DRG1: variants seen among roughly 807,000 people sequenced by gnomAD.
The protein encoded by DRG1 is developmentally-regulated GTP-binding protein 1.
DRG1 carries 19 observed loss-of-function variants against 38.8 expected under a neutral mutation model. The observed-to-expected ratio is 0.49, with a 90% CI of 0.34 to 0.72. The LOEUF (loss-of-function observed/expected upper bound fraction) is 0.72. DRG1 is among the 30% of genes least tolerant of loss of function. DRG1 has a pLI of 0.01. For synonymous variants in DRG1, 167 were observed against 157.5 expected, an observed-to-expected ratio of 1.06 and a Z score of -0.45; for missense variants, 299 against 444.8, an observed-to-expected ratio of 0.67 and a Z score of 2.95.
At chr22:31,429,882 T>C (rs1029689544) in intron 8 of DRG1, among the ~76,000 whole-genome samples, 1 of 152,098 alleles carries the variant, frequency 6.6e-6, no homozygotes, top group Non-Finnish European at 1.5e-5. Flanking sequence ...ATGCCTGGGC[T>C]CTAGTGATCC....
At chr22:31,401,522 T>C (rs1013317810) in intron 2 of DRG1, among the ~76,000 whole-genome samples, 3 of 139,104 alleles carry the variant, frequency 2.2e-5, no homozygotes, top group African/African-American at 8.3e-5. Context: ...GAGGCAGAGG[T>C]AGCAGTGAGT....
chr22:31,432,143 C>T lies in DRG1; in HGVS notation c.1005-1729C>T, dbSNP rs556411622. Among the ~76,000 whole-genome samples, 92 of 150,748 alleles carry T rather than the reference C, an allele frequency of 6.1e-4. 2 individuals carry two copies. Among genetic ancestry groups the T allele is most frequent in the African/African-American group, 2.1e-3 (86 of 41,008 alleles). On this transcript the variant is annotated intron_variant, in intron 8 of 8. Transcript: ENST00000331457. ...CCAGGCTGGAGTCCAGTGGCGTAAT[C>T]GTGGTTCACTGCAGCCTTGAACTCC...
chr22:31,424,488 C>CTTTTTTTGTTTTT (rs2050096349), intron 6 of DRG1, among the ~76,000 whole-genome samples: 1 of 71,396 alleles, frequency 1.4e-5, no homozygotes, highest in Non-Finnish European at 2.4e-5. Context: ...GCTTTGGTTT[C>CTTTTTTTGTTTTT]TTTTTTTTTT....
At chr22:31,423,532 T>TC in intron 6 of DRG1, 122 bp downstream of exon 6, 2 of 1,210,268 alleles carry the variant, frequency 1.7e-6, no homozygotes, top group Non-Finnish European at 2.3e-6. Flanking sequence ...TCTTTTTTTT[T>TC]TTTTTTTTTT....
At chr22:31,423,208 T>C (rs1175773751) in intron 5 of DRG1, 72 bp from the exon 6 acceptor site, 58 of 1,576,746 alleles carry the variant, frequency 3.7e-5, no homozygotes, top group Non-Finnish European at 4.8e-5. Flanking sequence ...TCCAGGTACA[T>C]GGATATTGGT....
chr22:31,418,524 T>TC (rs1254955351), intron 4 of DRG1, among the ~76,000 whole-genome samples: 4 of 151,842 alleles, frequency 2.6e-5, no homozygotes, highest in Non-Finnish European at 5.9e-5. Context: ...TTTTTTTTTT[T>TC]CTGAGATGGC....
rs1173805408 is a variant in DRG1, at chr22:31,400,611, C to T, written c.43-9C>T. ...CTTCTAATTTATGGCTGTGATTCCT[C>T]CCTTTTAGATGGCTCGGACTCAAAA... On this transcript the variant is annotated splice_polypyrimidine_tract_variant and intron_variant, in intron 1 of 8. Coordinates refer to ENST00000331457, the MANE Select transcript of DRG1 (RefSeq NM_004147.4). 2 of 1,611,264 alleles carry T rather than the reference C, an allele frequency of 1.2e-6. No homozygotes were observed. Among genetic ancestry groups the T allele is most frequent in the Non-Finnish European group, 1.7e-6 (2 of 1,178,452 alleles).
At chr22:31,403,985 T>A (rs1396005754) in intron 3 of DRG1, among the ~76,000 whole-genome samples, 3 of 148,018 alleles carry the variant, frequency 2.0e-5, no homozygotes, top group Non-Finnish European at 4.5e-5. Flanking sequence ...AACTTTTTTT[T>A]TTTTTTTTTT....
At chr22:31,404,910 A>C (rs2049981185) in intron 3 of DRG1, among the ~76,000 whole-genome samples, 1 of 152,202 alleles carries the variant, frequency 6.6e-6, no homozygotes, top group Admixed American at 6.5e-5. Context: ...GGCGTGAGCC[A>C]CTGCACCAGG....
chr22:31,419,474 G>A (rs994879685), intron 4 of DRG1, among the ~76,000 whole-genome samples: 1 of 151,822 alleles, frequency 6.6e-6, no homozygotes, highest in Admixed American at 6.6e-5. Flanking sequence ...ACAGGCATGA[G>A]CCACTGTGCT....
intron 4 of DRG1, among the ~76,000 whole-genome samples, chr22:31,413,676 G>A (rs2050030222): frequency 7.7e-6 from 1 of 129,234 alleles, no homozygotes; most frequent in South Asian, 2.6e-4. Context: ...GTGCAATGGT[G>A]CGATCTTGGC....
chr22:31,430,073 G>A (rs2050130871), intron 8 of DRG1, among the ~76,000 whole-genome samples: 3 of 152,108 alleles, frequency 2.0e-5, no homozygotes, highest in Admixed American at 6.6e-5. Flanking sequence ...CTTTTTGATA[G>A]TGTTAATACT....
chr22:31,406,292 G>A (rs941753698), intron 3 of DRG1, among the ~76,000 whole-genome samples: 8 of 152,186 alleles, frequency 5.3e-5, no homozygotes, highest in African/African-American at 1.2e-4. Flanking sequence ...GAGCCACTGC[G>A]CTTGGCCACT....
intron 8 of DRG1, among the ~76,000 whole-genome samples, chr22:31,432,253 T>C (rs1044460790): frequency 1.3e-5 from 2 of 151,826 alleles, no homozygotes; most frequent in African/African-American, 4.8e-5. Flanking sequence ...ATTTTTTCTA[T>C]TTTTCTAGAG....
At chr22:31,433,804 C>A in intron 8 of DRG1, 68 bp from the exon 9 acceptor site, 1 of 1,405,956 alleles carries the variant, frequency 7.1e-7, no homozygotes, top group Non-Finnish European at 1.0e-6. Flanking sequence ...AGAAGGGTGG[C>A]ATCCAGGCAA....
In DRG1 at chr22:31,426,656, A is replaced by C; in HGVS notation, c.755A>C (p.Gln252Pro). ...ATCTATGTGTTAAATAAGATTGACC[A>C]AATCTCCATTGAGGAATTGGATATC... ...PCIYVLNKID[Q>P]ISIEELDIIY... Residue 252 changes from glutamine to proline, a missense_variant, in exon 7 of 9, where the codon CAA becomes CCA. By Grantham distance (76) the Gln-to-Pro change is moderately conservative. Around this residue, in one of 3 missense-constraint regions of DRG1, gnomAD observed 198 missense variants for 268.1 expected, o/e 0.74. Transcript: ENST00000331457. 1.9e-6 allele frequency: 3 copies of C among 1,613,956 alleles called. No homozygotes were observed. Among genetic ancestry groups the C allele is most frequent in the African/African-American group, 1.3e-5 (1 of 75,022 alleles).
intron 3 of DRG1, among the ~76,000 whole-genome samples, chr22:31,409,571 T>C (rs2050007557): frequency 6.6e-6 from 1 of 152,208 alleles, no homozygotes; most frequent in Non-Finnish European, 1.5e-5. Flanking sequence ...CAAAAATTTT[T>C]GTGAGTTGGG....
At chr22:31,432,415 TTG>T (rs774738177) in intron 8 of DRG1, among the ~76,000 whole-genome samples, 7 of 151,160 alleles carry the variant, frequency 4.6e-5, no homozygotes, top group East Asian at 4.0e-4. Context: ...TTTGTGTTTT[TTG>T]TGTGTGTGTG....
chr22:31,404,541 C>T lies in DRG1; in HGVS notation c.342+1337C>T, dbSNP rs2049979560. On this transcript the variant is annotated intron_variant, in intron 3 of 8. Coordinates refer to ENST00000331457, the MANE Select transcript of DRG1 (RefSeq NM_004147.4). ...AGGCGTGAGCCACCGCGCCTGGTCT[C>T]GCCTGCTTTAACTTCTAAAGGCATT... Among the ~76,000 whole-genome samples, 4 of 151,800 alleles carry T rather than the reference C, an allele frequency of 2.6e-5. No homozygotes were observed. In the South Asian group the frequency reaches 8.3e-4, roughly 31 times the overall value.
Sources: gnomAD v4.1 joint callset for allele counts (sites outside exome capture counted in the v4.1 genomes callset) on GRCh38, gnomAD v4.1.1 for gene constraint, gnomAD v4.1.1 regional missense constraint, MANE v1.5 for transcripts, NCBI Gene and HGNC (gene_info 2026-07-23, HGNC 2026-07-21) for gene names.